The following DACH1 variants were observed in gnomAD, a reference collection of about 807,000 sequenced individuals.
The protein encoded by DACH1 is dachshund homolog 1.
Under a neutral mutation model 54.2 loss-of-function variants are expected in DACH1, and 12 were observed. The ratio of observed to expected loss-of-function variants is 0.22; its 90% confidence interval spans 0.14 to 0.36. DACH1 has a LOEUF of 0.36. DACH1 is among the 10% of genes least tolerant of loss of function. The pLI is 1.00. For synonymous variants in DACH1, 386 were observed against 366.2 expected (o/e 1.05, Z -0.62); for missense variants, 805 against 929.8 (o/e 0.87, Z 1.75).
intron 10 of DACH1, among the ~76,000 whole-genome samples, chr13:71,458,957 G>GT (rs936542524): frequency 1.1e-4 from 16 of 150,994 alleles, no homozygotes; most frequent in South Asian, 6.3e-4. Flanking sequence ...TTTTGTTTTT[G>GT]TTTTTTTTGG....
chr13:71,645,849 G>C (rs1196200956), intron 2 of DACH1, among the ~76,000 whole-genome samples: 1 of 152,124 alleles, frequency 6.6e-6, no homozygotes, highest in East Asian at 1.9e-4. Flanking sequence ...ATAGAACACA[G>C]TTCTTTGATT....
At chr13:71,741,197 C>A (rs1022612189) in intron 1 of DACH1, among the ~76,000 whole-genome samples, 2 of 152,180 alleles carry the variant, frequency 1.3e-5, no homozygotes, top group Admixed American at 1.3e-4. Flanking sequence ...TGAAATATTA[C>A]TCATGGCGTA....
chr13:71,779,288 TATAC>T lies in DACH1; in HGVS notation c.848+86630_848+86633del, dbSNP rs1235858024. 7.0e-3 allele frequency among the ~76,000 whole-genome samples: 942 copies of T among 134,132 alleles called. 70 individuals are homozygous for T. The highest frequency in any genetic ancestry group is 0.028 in the African/African-American group (858 of 30,898). 88.0% of individuals were successfully genotyped at this position (134,132 alleles called of 152,430 possible). ...GTGTATATATACGTATATACGTATA[TATAC>T]ACATATATATATTTATATACATATA... is the stretch of plus-strand genomic sequence containing the variant. On this transcript the variant is annotated intron_variant, in intron 1 of 10. Coordinates refer to ENST00000613252, the MANE Select transcript of DACH1 (RefSeq NM_080759.6).
chr13:71,781,552 C>G (rs9599879), intron 1 of DACH1, among the ~76,000 whole-genome samples: 5 of 151,440 alleles, frequency 3.3e-5, no homozygotes, highest in Non-Finnish European at 5.9e-5. Flanking sequence ...CTAATTTTTT[C>G]TATTTTTAGT....
intron 3 of DACH1, among the ~76,000 whole-genome samples, chr13:71,583,569 A>C (rs1359184963): frequency 6.6e-6 from 1 of 152,170 alleles, no homozygotes; most frequent in Non-Finnish European, 1.5e-5. Context: ...ATGGTCAGGC[A>C]CAGTGGCTTA....
intron 1 of DACH1, among the ~76,000 whole-genome samples, chr13:71,738,395 GAA>G (rs1466077722): frequency 6.6e-6 from 1 of 151,954 alleles, no homozygotes. Context: ...AAAATTCAGG[GAA>G]AAAGAGATCA....
At chr13:71,481,712 C>T (rs541253086) in intron 7 of DACH1, among the ~76,000 whole-genome samples, 30 of 152,174 alleles carry the variant, frequency 2.0e-4, no homozygotes, top group South Asian at 6.2e-4. Flanking sequence ...AGTATGTTAC[C>T]GCCAGTGACA....
chr13:71,734,955 GATAT>G (rs140707445), intron 1 of DACH1, among the ~76,000 whole-genome samples: 6 of 143,816 alleles, frequency 4.2e-5, no homozygotes, highest in East Asian at 2.1e-4. Context: ...ACACACACAG[GATAT>G]ATATATATAT....
chr13:71,502,043 AT>A (rs1212291775), intron 6 of DACH1, among the ~76,000 whole-genome samples: 1 of 152,128 alleles, frequency 6.6e-6, no homozygotes, highest in East Asian at 1.9e-4. Context: ...TAACACACAA[AT>A]TTTTTAAGGG....
intron 1 of DACH1, among the ~76,000 whole-genome samples, chr13:71,818,898 T>A (rs1245130214): frequency 6.6e-6 from 1 of 152,162 alleles, no homozygotes; most frequent in African/African-American, 2.4e-5. Context: ...CCTAAATACA[T>A]CTTTGCTAAT....
chr13:71,592,371 C>G lies in DACH1; in HGVS notation c.1127-19359G>C, dbSNP rs558418683. Reference sequence around the variant, plus strand: ...CTAGCTGGGCGTGGTGACATCCACCCGTGGTCCCAGCTACTTGAGGTATTG... The same window carrying G: ...CTAGCTGGGCGTGGTGACATCCACCGGTGGTCCCAGCTACTTGAGGTATTG... On this transcript the variant is annotated intron_variant, in intron 3 of 10. Transcript: ENST00000613252. Among the ~76,000 whole-genome samples, 2 of 150,726 alleles carry G rather than the reference C, an allele frequency of 1.3e-5. 1 individual carries two copies. Among genetic ancestry groups the G allele is most frequent in the African/African-American group, 4.9e-5 (2 of 40,996 alleles).
intron 1 of DACH1, among the ~76,000 whole-genome samples, chr13:71,736,156 T>A (rs1210648289): frequency 2.0e-5 from 3 of 152,192 alleles, no homozygotes; most frequent in Non-Finnish European, 4.4e-5. Flanking sequence ...GACCAGAGTC[T>A]ATGAAAATAG....
At chr13:71,468,129 AC>A (rs1419535437) in intron 10 of DACH1, among the ~76,000 whole-genome samples, 1 of 152,210 alleles carries the variant, frequency 6.6e-6, no homozygotes, top group African/African-American at 2.4e-5. Flanking sequence ...GAATAATTCA[AC>A]ATTGTATTAT....
intron 10 of DACH1, among the ~76,000 whole-genome samples, chr13:71,468,714 C>T (rs749340838): frequency 8.5e-5 from 13 of 152,214 alleles, no homozygotes; most frequent in Admixed American, 2.0e-4. Context: ...AAAATTGGAT[C>T]TGTCGCTGAC....
At chr13:71,862,818 A>G (rs1874442898) in intron 1 of DACH1, among the ~76,000 whole-genome samples, 1 of 152,214 alleles carries the variant, frequency 6.6e-6, no homozygotes, top group East Asian at 1.9e-4. Flanking sequence ...ATTCCATGCT[A>G]TTAAGAGATA....
At chr13:71,684,784 A>AAAT (rs1236724180) in intron 1 of DACH1, among the ~76,000 whole-genome samples, 1 of 152,226 alleles carries the variant, frequency 6.6e-6, no homozygotes, top group African/African-American at 2.4e-5. Flanking sequence ...AAAATAATAA[A>AAAT]AATAATAATA....
intron 1 of DACH1, among the ~76,000 whole-genome samples, chr13:71,694,347 G>A (rs1013385437): frequency 6.6e-6 from 1 of 151,798 alleles, no homozygotes; most frequent in African/African-American, 2.4e-5. Flanking sequence ...TGATGCCCCC[G>A]TGAGGATTCC....
chr13:71,844,704 A>G (rs1031196346), intron 1 of DACH1, among the ~76,000 whole-genome samples: 5 of 152,108 alleles, frequency 3.3e-5, no homozygotes, highest in African/African-American at 1.2e-4. Context: ...CACTTCCCCT[A>G]TATAATAACT....
At chr13:71,736,492 A>G (rs1001045074) in intron 1 of DACH1, among the ~76,000 whole-genome samples, 1 of 152,148 alleles carries the variant, frequency 6.6e-6, no homozygotes, top group African/African-American at 2.4e-5. Flanking sequence ...TTTAAAATAT[A>G]TATATAAATA....
Sources: allele counts gnomAD v4.1 joint callset (sites outside exome capture counted in the v4.1 genomes callset), GRCh38; gene constraint gnomAD v4.1.1; transcripts MANE v1.5; gene names NCBI Gene and HGNC (gene_info 2026-07-23, HGNC 2026-07-21).